Variants in MEGF10 observed in about 807,000 individuals in gnomAD.
MEGF10 encodes multiple epidermal growth factor-like domains protein 10.
A neutral mutation model predicts 147.5 loss-of-function variants in MEGF10; 86 were observed. The observed-to-expected ratio is 0.58, with a 90% CI of 0.49 to 0.70. MEGF10 has a LOEUF of 0.70. Among genes scored for constraint, MEGF10 ranks in the 30% least tolerant of loss-of-function variants. The pLI, the probability that MEGF10 is intolerant of heterozygous loss-of-function variation, is 0.00. For synonymous variants in MEGF10, 478 were observed against 525.5 expected, an observed-to-expected ratio of 0.91 and a Z score of 1.24; for missense variants, 1,329 against 1,487.3, an observed-to-expected ratio of 0.89 and a Z score of 1.75.
Position 127,419,245 on chromosome 5 carries a change from G to T in MEGF10, c.1426+5G>T, listed in dbSNP as rs148197499. On this transcript the variant is annotated splice_donor_5th_base_variant and intron_variant, in intron 11 of 24. Coordinates refer to ENST00000503335, the MANE Select transcript of MEGF10 (RefSeq NM_001256545.2). ...GGTCTTGTACTTGCAAGGCAGGTAAGAATGGGTAAATAAGTCTTTAATTTG... is the reference window on the plus strand; with the variant it reads ...GGTCTTGTACTTGCAAGGCAGGTAATAATGGGTAAATAAGTCTTTAATTTG... 1.4e-4 allele frequency: 218 copies of T among 1,611,090 alleles called. No individual in the cohort carries two copies. In the East Asian group the frequency reaches 4.8e-3, roughly 36 times the overall value.
chr5:127,294,480 G>T (rs1314891472), intron 1 of MEGF10, among the ~76,000 whole-genome samples: 1 of 152,096 alleles, frequency 6.6e-6, no homozygotes. Flanking sequence ...TTCCAGTTTG[G>T]CTAGACATAG....
At chr5:127,319,220 C>T (rs933609951) in intron 1 of MEGF10, among the ~76,000 whole-genome samples, 5 of 152,002 alleles carry the variant, frequency 3.3e-5, no homozygotes, top group African/African-American at 1.2e-4. Flanking sequence ...GGATTACAGG[C>T]ATCTGCCACC....
intron 1 of MEGF10, among the ~76,000 whole-genome samples, chr5:127,303,335 CAA>C (rs1174955274): frequency 6.1e-4 from 31 of 50,622 alleles, no homozygotes; most frequent in Admixed American, 1.1e-3. Flanking sequence ...GACTCCATGT[CAA>C]AAAAAAAAAA....
At chr5:127,417,394 G>C (rs1172051381) in intron 9 of MEGF10, among the ~76,000 whole-genome samples, 1 of 152,200 alleles carries the variant, frequency 6.6e-6, no homozygotes, top group South Asian at 2.1e-4. Flanking sequence ...CAGACAAAAG[G>C]ATGTGGTTGT....
At chr5:127,321,929 C>G (rs1245943554) in intron 1 of MEGF10, among the ~76,000 whole-genome samples, 4 of 152,122 alleles carry the variant, frequency 2.6e-5, no homozygotes, top group Non-Finnish European at 2.9e-5. Context: ...CCTCCTTCTC[C>G]TTATTATAAT....
upstream of MEGF10, among the ~76,000 whole-genome samples, chr5:127,287,496 AAAAAT>A (rs915055417): frequency 6.6e-6 from 1 of 152,058 alleles, no homozygotes; most frequent in Non-Finnish European, 1.5e-5. Flanking sequence ...ATGAAATATT[AAAAAT>A]AAAATACTTA....
intron 8 of MEGF10, among the ~76,000 whole-genome samples, chr5:127,403,210 G>A (rs1264554935): frequency 1.3e-5 from 2 of 152,150 alleles, no homozygotes; most frequent in Non-Finnish European, 2.9e-5. Flanking sequence ...TCTTACTGCC[G>A]CTGTTTATCA....
At chr5:127,323,244 T>C (rs537896568) in intron 1 of MEGF10, among the ~76,000 whole-genome samples, 4 of 152,290 alleles carry the variant, frequency 2.6e-5, no homozygotes, top group Admixed American at 2.6e-4. Flanking sequence ...ATTTATTTAA[T>C]ATTTTATAAG....
At chr5:127,398,993 C>T (rs1250547111) in intron 7 of MEGF10, among the ~76,000 whole-genome samples, 197 bp downstream of exon 7, 1 of 152,122 alleles carries the variant, frequency 6.6e-6, no homozygotes, top group Non-Finnish European at 1.5e-5. Context: ...TGATTTAGTC[C>T]TAGACTTGAA....
the MEGF10 span, among the ~76,000 whole-genome samples, chr5:127,276,292 T>C: frequency 6.6e-6 from 1 of 152,244 alleles, no homozygotes; most frequent in Non-Finnish European, 1.5e-5. Flanking sequence ...CTGTAAACCG[T>C]AGGATATAGT....
intron 4 of MEGF10, among the ~76,000 whole-genome samples, chr5:127,366,057 G>C (rs542905294): frequency 3.1e-4 from 47 of 152,094 alleles, no homozygotes; most frequent in Non-Finnish European, 5.7e-4. Context: ...TTTTCATGTG[G>C]AGCATGTTAG....
At chr5:127,239,224 G>A in the MEGF10 span, among the ~76,000 whole-genome samples, 1 of 151,706 alleles carries the variant, frequency 6.6e-6, no homozygotes, top group Non-Finnish European at 1.5e-5. Flanking sequence ...ATCCTGGATC[G>A]GGGGGAAAAA....
upstream of MEGF10, among the ~76,000 whole-genome samples, chr5:127,289,024 C>A (rs1759118178): frequency 1.3e-5 from 2 of 152,112 alleles, no homozygotes; most frequent in African/African-American, 4.8e-5. Flanking sequence ...AAAGACAAAT[C>A]TAATCTGTAG....
chr5:127,301,756 G>A (rs1208223039), intron 1 of MEGF10, among the ~76,000 whole-genome samples: 1 of 152,106 alleles, frequency 6.6e-6, no homozygotes, highest in African/African-American at 2.4e-5. Flanking sequence ...TTAGCATAGT[G>A]GTAGGCACAT....
chr5:127,403,562 T>C (rs1247058577), intron 8 of MEGF10, among the ~76,000 whole-genome samples: 2 of 152,176 alleles, frequency 1.3e-5, no homozygotes, highest in African/African-American at 4.8e-5. Context: ...TTTGTACCCA[T>C]TAACCATCCC....
At chr5:127,382,984 A>G (rs1006451148) in intron 5 of MEGF10, among the ~76,000 whole-genome samples, 1 of 152,224 alleles carries the variant, frequency 6.6e-6, no homozygotes, top group African/African-American at 2.4e-5. Context: ...AAGCTTCCAC[A>G]TACCACTTCC....
Sources: gnomAD v4.1 joint callset for allele counts (sites outside exome capture counted in the v4.1 genomes callset) on GRCh38, gnomAD v4.1.1 for gene constraint, MANE v1.5 for transcripts, NCBI Gene and HGNC (gene_info 2026-07-23, HGNC 2026-07-21) for gene names.